Variants in CEP83 observed in about 807,000 individuals in gnomAD.
The protein encoded by CEP83 is centrosomal protein 83.
In CEP83, 70 loss-of-function variants were observed where a neutral mutation model predicts 101.9. The observed-to-expected ratio is 0.69, with a 90% CI of 0.57 to 0.84. The LOEUF (loss-of-function observed/expected upper bound fraction) is 0.84. Among genes scored for constraint, CEP83 ranks in the 40% least tolerant of loss-of-function variants. The pLI is 0.00. For missense variants in CEP83, 715 were observed against 787.2 expected (o/e 0.91, Z 1.10); for synonymous variants, 264 against 267.9 (o/e 0.99, Z 0.14).
At chr12:94,347,868 A>T (rs996158622) in intron 11 of CEP83, among the ~76,000 whole-genome samples, 11 of 152,164 alleles carry the variant, frequency 7.2e-5, no homozygotes, top group Non-Finnish European at 1.6e-4. Context: ...TATTATGGTG[A>T]GGATTGTACA....
intron 1 of CEP83, among the ~76,000 whole-genome samples, chr12:94,437,676 G>A (rs1473694011): frequency 6.6e-6 from 1 of 151,970 alleles, no homozygotes; most frequent in Non-Finnish European, 1.5e-5. Context: ...TCATACAAAC[G>A]AATGCTCAGA....
At chr12:94,270,137 G>A in the CEP83 span, among the ~76,000 whole-genome samples, 2 of 152,186 alleles carry the variant, frequency 1.3e-5, no homozygotes, top group African/African-American at 2.4e-5. Flanking sequence ...AAGTCATGGC[G>A]GAGATAGAAA....
At chr12:94,366,157 T>C (rs891384426) in intron 11 of CEP83, among the ~76,000 whole-genome samples, 17 of 152,132 alleles carry the variant, frequency 1.1e-4, no homozygotes, top group African/African-American at 4.1e-4. Flanking sequence ...TGGTGTATTA[T>C]AGTTCTGTCC....
At chr12:94,313,366 T>C (rs1970162133) in intron 14 of CEP83, among the ~76,000 whole-genome samples, 1 of 151,974 alleles carries the variant, frequency 6.6e-6, no homozygotes. Flanking sequence ...TTCCAGAAGA[T>C]AGCATGTGTT....
At chr12:94,387,327 G>C (rs529118808) in intron 6 of CEP83, among the ~76,000 whole-genome samples, 2 of 152,298 alleles carry the variant, frequency 1.3e-5, no homozygotes, top group African/African-American at 4.8e-5. Flanking sequence ...GGGAGCATTA[G>C]ATTCTCATAG....
chr12:94,416,180 T>A (rs957355965), intron 2 of CEP83, among the ~76,000 whole-genome samples: 3 of 152,186 alleles, frequency 2.0e-5, no homozygotes, highest in African/African-American at 7.2e-5. Flanking sequence ...TTAAAACTTA[T>A]GGAATAAAGG....
chr12:94,277,800 C>T, the CEP83 span: 1 of 372,636 alleles, frequency 2.7e-6, no homozygotes, highest in Non-Finnish European at 5.4e-6. Context: ...TCAAGCCTTT[C>T]CCAGCAGCCT....
chr12:94,297,164 C>A, the CEP83 span: 1 of 1,612,884 alleles, frequency 6.2e-7, no homozygotes, highest in Non-Finnish European at 8.5e-7. Context: ...GGACTGCTTT[C>A]TCTCCCTCTT....
intron 2 of CEP83, among the ~76,000 whole-genome samples, chr12:94,420,347 T>A (rs2064626570): frequency 6.6e-6 from 1 of 152,214 alleles, no homozygotes; most frequent in Non-Finnish European, 1.5e-5. Flanking sequence ...TTCATAGCAG[T>A]ATTATTCCTA....
chr12:94,438,233 A>T (rs143532415), intron 1 of CEP83, among the ~76,000 whole-genome samples: 1 of 152,078 alleles, frequency 6.6e-6, no homozygotes, highest in East Asian at 1.9e-4. Flanking sequence ...AAAAAAGAAA[A>T]AAAAAAAAGA....
At chr12:94,452,521 AC>A in intron 1 of CEP83, among the ~76,000 whole-genome samples, 1 of 152,318 alleles carries the variant, frequency 6.6e-6, no homozygotes, top group Non-Finnish European at 1.5e-5. Context: ...TCTTAGAACC[AC>A]CTATCTCCAG....
chr12:94,444,255 C>T (rs986138623), intron 1 of CEP83, among the ~76,000 whole-genome samples: 2 of 151,988 alleles, frequency 1.3e-5, no homozygotes, highest in Admixed American at 1.3e-4. Context: ...AAAAATTAGC[C>T]AGGCATGGTG....
At chr12:94,444,827 A>G (rs1410425336) in intron 1 of CEP83, among the ~76,000 whole-genome samples, 1 of 152,162 alleles carries the variant, frequency 6.6e-6, no homozygotes, top group South Asian at 2.1e-4. Flanking sequence ...GTGAGACTCT[A>G]TATCTATTTT....
chr12:94,329,997 A>G (rs1007148012), intron 14 of CEP83, among the ~76,000 whole-genome samples: 1 of 152,200 alleles, frequency 6.6e-6, no homozygotes, highest in African/African-American at 2.4e-5. Flanking sequence ...AACCATCAGC[A>G]ACATTTGGCA....
chr12:94,425,841 G>T (rs931832563), intron 2 of CEP83, among the ~76,000 whole-genome samples: 5 of 152,122 alleles, frequency 3.3e-5, no homozygotes, highest in African/African-American at 1.2e-4. Context: ...ATGAAAACAG[G>T]CCAGTGCGGT....
At chr12:94,432,639 A>C (rs2065724164) in intron 2 of CEP83, among the ~76,000 whole-genome samples, 1 of 152,278 alleles carries the variant, frequency 6.6e-6, no homozygotes, top group Admixed American at 6.5e-5. Context: ...ATGAATACAG[A>C]TATCCAGTTA....
chr12:94,327,887 C>T (rs768294440), intron 14 of CEP83, among the ~76,000 whole-genome samples: 1 of 152,196 alleles, frequency 6.6e-6, no homozygotes, highest in Non-Finnish European at 1.5e-5. Flanking sequence ...TTAGAGTCCA[C>T]ATAAATCACC....
At chr12:94,303,940 C>T (rs147692092), downstream of CEP83, 2,987 of 1,606,444 alleles carry the variant, frequency 1.9e-3, 7 homozygotes, top group Non-Finnish European at 2.4e-3. Flanking sequence ...GGTTACTTTA[C>T]GTCATTTCAG....
chr12:94,401,055 A>C (rs2063224417), intron 5 of CEP83, 74 bp from the exon 6 acceptor site: 2 of 751,390 alleles, frequency 2.7e-6, no homozygotes, highest in Non-Finnish European at 1.9e-6. Flanking sequence ...TTTTACAAAT[A>C]TAATTTTAAA....
Sources: allele counts gnomAD v4.1 joint callset (sites outside exome capture counted in the v4.1 genomes callset), GRCh38; gene constraint gnomAD v4.1.1; transcripts MANE v1.5; gene names NCBI Gene and HGNC (gene_info 2026-07-23, HGNC 2026-07-21).